The following BLTP3A variants were observed in gnomAD, a reference collection of about 807,000 sequenced individuals.
BLTP3A encodes the protein bridge-like lipid transfer protein family member 3A, also known as ICBP90 binding protein 1.
chr6:34,865,443 T>TTATG, the BLTP3A span, among the ~76,000 whole-genome samples: 1 of 152,256 alleles, frequency 6.6e-6, no homozygotes, highest in Non-Finnish European at 1.5e-5. Context: ...TGTTCATTGG[T>TTATG]TGATGAACAC....
the BLTP3A span, among the ~76,000 whole-genome samples, chr6:34,808,401 C>T: frequency 7.4e-6 from 1 of 135,290 alleles, no homozygotes; most frequent in Admixed American, 7.4e-5. Flanking sequence ...AAAAGCAGGG[C>T]AAACAGAGAA....
chr6:34,864,411 A>G, the BLTP3A span, among the ~76,000 whole-genome samples: 1 of 152,146 alleles, frequency 6.6e-6, no homozygotes, highest in Non-Finnish European at 1.5e-5. Flanking sequence ...ATAACTGACT[A>G]TATCACAGAA....
chr6:34,826,312 G>A, the BLTP3A span, among the ~76,000 whole-genome samples: 56 of 150,866 alleles, frequency 3.7e-4, no homozygotes, highest in Non-Finnish European at 7.2e-4. Context: ...GTGAGCCACC[G>A]CACCTGGCCT....
chr6:34,853,320 C>T, the BLTP3A span, among the ~76,000 whole-genome samples: 2 of 152,000 alleles, frequency 1.3e-5, no homozygotes, highest in African/African-American at 4.8e-5. Context: ...CTAGGACTCC[C>T]GACTGGGACT....
At chr6:34,847,921 C>CTTTCTTTTT in the BLTP3A span, among the ~76,000 whole-genome samples, 15,795 of 88,596 alleles carry the variant, frequency 0.18, 2,835 homozygotes, top group African/African-American at 0.28. Flanking sequence ...TCTTTTTTTC[C>CTTTCTTTTT]TTTTTTTTTT....
the BLTP3A span, among the ~76,000 whole-genome samples, chr6:34,870,328 A>G: frequency 6.6e-6 from 1 of 152,218 alleles, no homozygotes; most frequent in Non-Finnish European, 1.5e-5. Flanking sequence ...CCAAATTGTT[A>G]TGCAAAATGT....
chr6:34,875,662 CTG>C, the BLTP3A span: 1 of 152,158 alleles, frequency 6.6e-6, no homozygotes, highest in African/African-American at 2.4e-5. Flanking sequence ...CTTAGAATTT[CTG>C]TCTTTCCTTA....
At chr6:34,826,046 T>C in the BLTP3A span, among the ~76,000 whole-genome samples, 2 of 149,938 alleles carry the variant, frequency 1.3e-5, no homozygotes, top group South Asian at 4.3e-4. Context: ...TTTTTTTTTT[T>C]TGAGATGGAG....
chr6:34,854,229 G>GA, the BLTP3A span, among the ~76,000 whole-genome samples: 3 of 151,406 alleles, frequency 2.0e-5, no homozygotes, highest in Non-Finnish European at 4.4e-5. Flanking sequence ...CTCAAAAAAA[G>GA]AAAAAAATTA....
At chr6:34,816,041 A>G in the BLTP3A span, among the ~76,000 whole-genome samples, 2 of 152,352 alleles carry the variant, frequency 1.3e-5, no homozygotes, top group East Asian at 3.9e-4. Context: ...CAAGGTTAGG[A>G]TGAAATGTAA....
chr6:34,857,591 C>G, the BLTP3A span: 1 of 1,478,448 alleles, frequency 6.8e-7, no homozygotes, highest in Non-Finnish European at 9.2e-7. Context: ...GTTAATTTAG[C>G]ACACTTTTGT....
chr6:34,863,689 C>G, the BLTP3A span, among the ~76,000 whole-genome samples: 1 of 152,192 alleles, frequency 6.6e-6, no homozygotes, highest in Non-Finnish European at 1.5e-5. Context: ...TGCCATTCAT[C>G]AGCACCAGAG....
chr6:34,801,471 C>T, the BLTP3A span, among the ~76,000 whole-genome samples: 1 of 152,052 alleles, frequency 6.6e-6, no homozygotes, highest in Non-Finnish European at 1.5e-5. Flanking sequence ...CATTGTATCT[C>T]ACCAAGGACT....
the BLTP3A span, among the ~76,000 whole-genome samples, chr6:34,828,801 G>T: frequency 6.6e-6 from 1 of 151,950 alleles, no homozygotes; most frequent in Admixed American, 6.6e-5. Flanking sequence ...GCCGAGGTGG[G>T]TGGATCGCCT....
the BLTP3A span, among the ~76,000 whole-genome samples, chr6:34,796,120 A>G: frequency 1.3e-5 from 2 of 152,352 alleles, no homozygotes; most frequent in East Asian, 1.9e-4. Context: ...AAATAAAGAT[A>G]TAGTGTATTA....
At chr6:34,850,166 TC>T in the BLTP3A span, among the ~76,000 whole-genome samples, 1 of 152,060 alleles carries the variant, frequency 6.6e-6, no homozygotes, top group South Asian at 2.1e-4. Flanking sequence ...AAAGTTTTTT[TC>T]CTTCATCACT....
the BLTP3A span, chr6:34,836,064 G>C: frequency 2.1e-6 from 3 of 1,461,392 alleles, no homozygotes; most frequent in Non-Finnish European, 2.8e-6. Context: ...GCTAAACTGT[G>C]GTTTTCTTCA....
chr6:34,808,274 AG>A, the BLTP3A span, among the ~76,000 whole-genome samples: 3 of 129,294 alleles, frequency 2.3e-5, no homozygotes, highest in East Asian at 7.9e-4. Context: ...TGAATCTGGG[AG>A]GCGGAGGTTG....
the BLTP3A span, among the ~76,000 whole-genome samples, chr6:34,838,536 T>C: frequency 2.0e-5 from 3 of 152,258 alleles, no homozygotes; most frequent in Non-Finnish European, 2.9e-5. Flanking sequence ...ACCAATAAGA[T>C]AGAATGGTTA....
Sources: gnomAD v4.1 joint callset for allele counts (sites outside exome capture counted in the v4.1 genomes callset) on GRCh38, gnomAD v4.1.1 for gene constraint, MANE v1.5 for transcripts, NCBI Gene and HGNC (gene_info 2026-07-23, HGNC 2026-07-21) for gene names.